Variants in GARS1 observed in about 807,000 individuals in gnomAD.
GARS1 encodes glycine--tRNA ligase.
GARS1 carries 46 observed loss-of-function variants against 86.4 expected under a neutral mutation model. The ratio of observed to expected loss-of-function variants is 0.53; its 90% CI spans 0.42 to 0.68. The LOEUF is 0.68. Among genes scored for constraint, GARS1 ranks in the 30% least tolerant of loss-of-function variants. GARS1 has a pLI of 0.00. For synonymous variants in GARS1, 342 were observed against 329.8 expected (o/e 1.04, Z -0.40); for missense variants, 797 against 915.6 (o/e 0.87, Z 1.67).
intron 6 of GARS1, among the ~76,000 whole-genome samples, chr7:30,608,913 TTC>T (rs1366823806): frequency 6.6e-6 from 1 of 152,196 alleles, no homozygotes; most frequent in African/African-American, 2.4e-5. Context: ...ATTATTTTGT[TTC>T]TGTTAGGAAA....
intron 14 of GARS1, among the ~76,000 whole-genome samples, chr7:30,629,112 G>A (rs1442081168): frequency 6.6e-6 from 1 of 152,074 alleles, no homozygotes; most frequent in East Asian, 1.9e-4. Flanking sequence ...GTACTTTTGG[G>A]GTAAAGATGT....
chr7:30,622,003 T>C, intron 11 of GARS1: 1 of 404,250 alleles, frequency 2.5e-6, no homozygotes. Context: ...AGGAAATAGA[T>C]CTTGTTTTGA....
At chr7:30,594,852 A>C (rs1203341095), upstream of GARS1, 6 of 1,347,340 alleles carry the variant, frequency 4.5e-6, no homozygotes, top group African/African-American at 2.9e-5. Context: ...CGATTTCATC[A>C]TGCTCCGAGC....
intron 2 of GARS1, among the ~76,000 whole-genome samples, chr7:30,599,731 T>G (rs1404611793): frequency 6.6e-6 from 1 of 152,278 alleles, no homozygotes; most frequent in East Asian, 1.9e-4. Context: ...TTGGAAATGA[T>G]CATATATTTT....
chr7:30,632,276 C>T lies in GARS1; in HGVS notation c.1933C>T (p.His645Tyr), dbSNP rs753267038. 6.2e-7 allele frequency: 1 copy of T among 1,614,128 alleles called. No homozygotes were observed. The highest frequency in any genetic ancestry group is 1.7e-5 in the Admixed American group (1 of 60,018). Residue 645 changes from histidine to tyrosine, a missense_variant, in exon 16 of 17, where the codon CAC becomes TAC. His to Tyr is a moderately conservative substitution (Grantham distance 83). Coordinates refer to ENST00000389266, the MANE Select transcript of GARS1 (RefSeq NM_002047.4). This position sits in a 1 kb window ranked among gnomAD's most constrained non-coding sequence, Gnocchi z 4.1. ...AGCCCTGACCAGGCATGGAGTATCT[C>T]ACAAAGTAGACGATTCCTCTGGGTC... ...SEALTRHGVS[H>Y]KVDDSSGSIG...
intron 13 of GARS1, 117 bp downstream of exon 13, chr7:30,626,436 C>T (rs752351270): frequency 1.7e-5 from 12 of 700,840 alleles, no homozygotes; most frequent in Non-Finnish European, 2.9e-5. Context: ...ACCTCTGCCT[C>T]CCCGGCTCAA....
Position 30,632,155 on chromosome 7 carries a change from A to T in GARS1, c.1904-92A>T. On this transcript the variant is annotated intron_variant, in intron 15 of 16. Coordinates refer to ENST00000389266, the MANE Select transcript of GARS1 (RefSeq NM_002047.4). This position sits in a 1 kb window ranked among gnomAD's most constrained non-coding sequence, Gnocchi z 4.1. ...TTGCTTTCTTGTCTTGGTCCCATTTATAAGTCTCCTGAGCTTGTAAGACAG... is the reference window on the plus strand; with the variant it reads ...TTGCTTTCTTGTCTTGGTCCCATTTTTAAGTCTCCTGAGCTTGTAAGACAG... The T allele has an allele frequency of 8.2e-7, 1 of 1,216,882 alleles. No homozygotes were observed. Among genetic ancestry groups the T allele is most frequent in the Non-Finnish European group, 1.2e-6 (1 of 840,800 alleles). The allele number at this position is 1,216,882 out of a possible 1,614,324, so 75.4% of individuals were successfully genotyped here. A position where few individuals can be genotyped will look rare whatever the true frequency, so the allele number is the denominator to read the frequency against.
chr7:30,630,848 CTA>C, intron 14 of GARS1, among the ~76,000 whole-genome samples: 1 of 152,122 alleles, frequency 6.6e-6, no homozygotes, highest in African/African-American at 2.4e-5. Context: ...TACTCAGAAA[CTA>C]TTTCAGGGCA....
intron 10 of GARS1, among the ~76,000 whole-genome samples, chr7:30,619,693 T>A (rs1302122397): frequency 1.3e-5 from 2 of 152,118 alleles, no homozygotes; most frequent in Non-Finnish European, 2.9e-5. Context: ...TGAGCTCATA[T>A]GAGTTTTATA....
At chr7:30,614,558 A>G (rs1360467884) in intron 8 of GARS1, among the ~76,000 whole-genome samples, 1 of 152,168 alleles carries the variant, frequency 6.6e-6, no homozygotes, top group East Asian at 1.9e-4. Context: ...AATAAGAGAC[A>G]CTATTAAAAA....
chr7:30,626,394 C>T, intron 13 of GARS1, 75 bp downstream of exon 13: 1 of 923,694 alleles, frequency 1.1e-6, no homozygotes, highest in Non-Finnish European at 1.7e-6. Context: ...CAGGGTCTTG[C>T]TCTGTCACCC....
intron 1 of GARS1, among the ~76,000 whole-genome samples, chr7:30,595,656 G>A (rs1396866805): frequency 6.6e-6 from 1 of 152,196 alleles, no homozygotes. Flanking sequence ...AGGATGCTTT[G>A]ATAGTGTTTC....
chr7:30,601,572 T>C lies in GARS1; in HGVS notation c.569+372T>C, dbSNP rs576427798. ...CCATAATATGTTAGTTTGTGCCATA[T>C]TGAAAGCATTAAAGTGTTTCTCATT... On this transcript the variant is annotated intron_variant, in intron 4 of 16. Coordinates refer to ENST00000389266, the MANE Select transcript of GARS1 (RefSeq NM_002047.4). Among the ~76,000 whole-genome samples, 7 of 152,358 alleles carry C rather than the reference T, an allele frequency of 4.6e-5. No homozygotes were observed. The South Asian group carries it at 1.4e-3, about 32-fold the overall frequency.
intron 6 of GARS1, among the ~76,000 whole-genome samples, chr7:30,603,915 G>A (rs918912091): frequency 9.2e-5 from 14 of 152,142 alleles, no homozygotes; most frequent in Admixed American, 9.2e-4. Flanking sequence ...CAGATAACTT[G>A]ATGAGCACTT....
intron 14 of GARS1, chr7:30,631,207 G>T (rs1358610045): frequency 2.5e-6 from 1 of 407,100 alleles, no homozygotes; most frequent in Non-Finnish European, 4.6e-6. Flanking sequence ...TTTAGGTGGA[G>T]AAACTAAGGT....
chr7:30,599,577 AT>A (rs946914614), intron 2 of GARS1, among the ~76,000 whole-genome samples: 1 of 151,978 alleles, frequency 6.6e-6, no homozygotes, highest in African/African-American at 2.4e-5. Context: ...TAATTTTTGT[AT>A]TTTTAGTAGA....
In GARS1 at chr7:30,612,318, T is replaced by G. The variant is rs1294653536; in HGVS notation, c.1031+73T>G. 2.2e-6 allele frequency: 3 copies of G among 1,383,012 alleles called. No homozygotes were observed. In the East Asian group the frequency reaches 6.8e-5, roughly 32 times the overall value. The allele number at this position is 1,383,012 out of a possible 1,614,324, so 85.7% of individuals were successfully genotyped here. ...CATTGAAAATGAAAGCTTGCTGTTT[T>G]GAAGCAATTCTGCTTCATAATCCTG... is the stretch of plus-strand genomic sequence containing the variant. On this transcript the variant is annotated intron_variant, in intron 8 of 16. Coordinates refer to ENST00000389266, the MANE Select transcript of GARS1 (RefSeq NM_002047.4).
intron 2 of GARS1, among the ~76,000 whole-genome samples, chr7:30,599,554 C>G (rs138115668): frequency 2.6e-4 from 39 of 152,294 alleles, no homozygotes; most frequent in Admixed American, 1.6e-3. Context: ...AGGTGCCCAC[C>G]ACCAAGCCCA....
intron 8 of GARS1, among the ~76,000 whole-genome samples, chr7:30,612,765 G>A (rs1165105667): frequency 6.6e-6 from 1 of 152,116 alleles, no homozygotes; most frequent in Non-Finnish European, 1.5e-5. Flanking sequence ...AGAAAGGCCA[G>A]CAAGCAAGCT....
Sources: allele counts gnomAD v4.1 joint callset (sites outside exome capture counted in the v4.1 genomes callset), GRCh38; gene constraint gnomAD v4.1.1; non-coding constraint Gnocchi (gnomAD v3.1); transcripts MANE v1.5; gene names NCBI Gene and HGNC (gene_info 2026-07-23, HGNC 2026-07-21).